The following LACTBL1 variants were observed in gnomAD, a reference collection of about 807,000 sequenced individuals.
The protein encoded by LACTBL1 is beta-lactamase-like protein 1.
In LACTBL1, 29 loss-of-function variants were observed where a neutral mutation model predicts 39.6. The observed-to-expected ratio is 0.73, with a 90% confidence interval of 0.55 to 1.00. The LOEUF (loss-of-function observed/expected upper bound fraction) is 1.00, where lower values mean the gene tolerates loss of function less well. Ranked by LOEUF, LACTBL1 falls within the 50% of genes least tolerant of loss-of-function variation. LACTBL1 has a pLI of 0.00. For synonymous variants in LACTBL1, 361 were observed against 360.7 expected (o/e 1.00, Z -0.01); for missense variants, 711 against 748.5 (o/e 0.95, Z 0.59).
intron 2 of LACTBL1, among the ~76,000 whole-genome samples, chr1:22,960,373 T>C (rs1640808290): frequency 6.6e-6 from 1 of 152,124 alleles, no homozygotes; most frequent in Admixed American, 6.5e-5. Flanking sequence ...CTTAGCACTT[T>C]GGGAAGCCAA....
At chr1:22,961,990 C>T (rs1640827464) in intron 2 of LACTBL1, among the ~76,000 whole-genome samples, 1 of 151,068 alleles carries the variant, frequency 6.6e-6, no homozygotes, top group African/African-American at 2.4e-5. Flanking sequence ...TCATGATCCA[C>T]CCATCTCGGC....
At chr1:22,963,325 C>G in intron 1 of LACTBL1, 109 bp from the exon 4 acceptor site, 2 of 536,440 alleles carry the variant, frequency 3.7e-6, no homozygotes, top group East Asian at 3.5e-5. Flanking sequence ...CCTCCCCAGC[C>G]GAGCCGAGCC....
chr1:22,969,017 A>G (rs1045396132), upstream of LACTBL1, among the ~76,000 whole-genome samples: 3 of 152,164 alleles, frequency 2.0e-5, no homozygotes, highest in Non-Finnish European at 4.4e-5. Context: ...GGCTCAAGCA[A>G]TCCTCCCACC....
chr1:22,953,875 C>T (rs1426663548), exon 6 of LACTBL1: 7 of 1,548,934 alleles, frequency 4.5e-6, no homozygotes, highest in East Asian at 2.4e-5. Context: ...CAGGCGCGCG[C>T]GCACGTCGGG....
chr1:22,953,159 G>GCTGC lies in LACTBL1; in HGVS notation c.1521_1524dup (p.Leu509AlafsTer?). The GCTGC allele has an allele frequency of 8.1e-7, 1 of 1,232,200 alleles. No homozygotes were observed. The allele number at this position is 1,232,200 out of a possible 1,614,324, so 76.3% of individuals were successfully genotyped here. A position where few individuals can be genotyped will look rare whatever the true frequency, so the allele number is the denominator to read the frequency against. ...TGATCCAAGGGGTAGAAGTTGACCA[G>GCTGC]CTGCCCGTGCTGGGCCTCGAGCGAG... On this transcript the variant is annotated frameshift_variant, in exon 6 of 6. Transcript: ENST00000426928. LOFTEE classifies it high-confidence loss of function.
chr1:22,958,846 A>C, exon 4 of LACTBL1: 2 of 1,550,612 alleles, frequency 1.3e-6, no homozygotes, highest in Non-Finnish European at 1.7e-6. Flanking sequence ...AGGGTCATCT[A>C]GGGAGGCCAC....
chr1:22,971,496 C>T, the LACTBL1 span, among the ~76,000 whole-genome samples: 3 of 136,388 alleles, frequency 2.2e-5, no homozygotes, highest in Non-Finnish European at 3.2e-5. Flanking sequence ...ACCTATAACA[C>T]GGCTCCACCA....
exon 6 of LACTBL1, chr1:22,953,495 G>A (rs1640728016): frequency 1.6e-6 from 2 of 1,231,968 alleles, no homozygotes; most frequent in South Asian, 4.0e-5. Flanking sequence ...CGCGCCACCA[G>A]GTCGGGCCCG....
At chr1:22,965,505 C>G (rs2124239422), upstream of LACTBL1, 1 of 828,856 alleles carries the variant, frequency 1.2e-6, no homozygotes, top group Non-Finnish European at 1.5e-6. Flanking sequence ...CTGGCCCCTC[C>G]TAGGCCTCAA....
upstream of LACTBL1, among the ~76,000 whole-genome samples, chr1:22,966,495 A>G (rs1036662825): frequency 2.0e-5 from 3 of 152,220 alleles, no homozygotes; most frequent in Non-Finnish European, 4.4e-5. Context: ...ATGAGAAATG[A>G]AAGGAGACAT....
chr1:22,972,854 A>T, the LACTBL1 span: 1 of 985,188 alleles, frequency 1.0e-6, no homozygotes, highest in African/African-American at 1.7e-5. Context: ...CCTGTGTTCC[A>T]GAGGACAGGA....
exon 6 of LACTBL1, chr1:22,953,332 A>G: frequency 2.4e-6 from 3 of 1,225,236 alleles, no homozygotes; most frequent in Non-Finnish European, 3.1e-6. Context: ...GCGCAGGCGC[A>G]GCTCGCCCGC....
chr1:22,960,717 G>T (rs889477626), intron 2 of LACTBL1, among the ~76,000 whole-genome samples: 3 of 151,090 alleles, frequency 2.0e-5, no homozygotes, highest in Non-Finnish European at 4.4e-5. Context: ...AACCCCTAGT[G>T]TTGGGGAATT....
At chr1:22,955,238 G>T in intron 5 of LACTBL1, 83 bp downstream of exon 7, 1 of 1,095,590 alleles carries the variant, frequency 9.1e-7, no homozygotes. Flanking sequence ...CCTAGGATGA[G>T]GTGATGTGGG....
At chr1:22,971,479 A>T in the LACTBL1 span, among the ~76,000 whole-genome samples, 1 of 149,794 alleles carries the variant, frequency 6.7e-6, no homozygotes, top group Admixed American at 6.7e-5. Flanking sequence ...AGGCTCTCCC[A>T]AACCCCACCT....
At chr1:22,961,366 G>T (rs1332204137) in intron 2 of LACTBL1, among the ~76,000 whole-genome samples, 1 of 151,772 alleles carries the variant, frequency 6.6e-6, no homozygotes, top group Non-Finnish European at 1.5e-5. Flanking sequence ...TTGTTGTTTT[G>T]GTTTTTTGTT....
At chr1:22,962,958 C>A in intron 2 of LACTBL1, 149 bp downstream of exon 4, 2 of 421,986 alleles carry the variant, frequency 4.7e-6, no homozygotes, top group Non-Finnish European at 8.4e-6. Flanking sequence ...CCTGCCATAT[C>A]CATAGTGCCT....
intron 2 of LACTBL1, among the ~76,000 whole-genome samples, chr1:22,961,350 C>G (rs979154825): frequency 1.3e-5 from 2 of 151,940 alleles, no homozygotes; most frequent in African/African-American, 2.4e-5. Flanking sequence ...AGCCCCACTT[C>G]TTTTTTTGTT....
At chr1:22,953,565 G>A (rs1438558127) in exon 6 of LACTBL1, 9 of 1,250,332 alleles carry the variant, frequency 7.2e-6, no homozygotes, top group Non-Finnish European at 9.0e-6. Context: ...GCACCAGCGA[G>A]AAGGTGGCGG....
Sources: gnomAD v4.1 joint callset for allele counts (sites outside exome capture counted in the v4.1 genomes callset) on GRCh38, gnomAD v4.1.1 for gene constraint, MANE v1.5 for transcripts, NCBI Gene and HGNC (gene_info 2026-07-23, HGNC 2026-07-21) for gene names.